The following EPC2 variants were observed in gnomAD, a reference collection of about 807,000 sequenced individuals.
EPC2 encodes enhancer of polycomb 2, also known as enhancer of polycomb homolog 2.
A neutral mutation model predicts 92.1 loss-of-function variants in EPC2; 14 were observed. The ratio of observed to expected loss-of-function variants is 0.15; its 90% CI spans 0.10 to 0.24. The LOEUF is 0.24. EPC2 is among the 10% of genes least tolerant of loss of function. The pLI, the probability that EPC2 is intolerant of heterozygous loss-of-function variation, is 1.00. For synonymous variants in EPC2, 340 were observed against 334.7 expected, an observed-to-expected ratio of 1.02 and a Z score of -0.17; for missense variants, 755 against 971.5, an observed-to-expected ratio of 0.78 and a Z score of 2.96.
intron 1 of EPC2, among the ~76,000 whole-genome samples, chr2:148,689,667 G>A (rs1681604486): frequency 1.3e-5 from 2 of 152,170 alleles, no homozygotes; most frequent in Admixed American, 1.3e-4. Context: ...AAGTAATGAA[G>A]TGATTAGAAA....
intron 2 of EPC2, among the ~76,000 whole-genome samples, chr2:148,713,283 AATG>A (rs1682192032): frequency 6.6e-6 from 1 of 152,184 alleles, no homozygotes; most frequent in Non-Finnish European, 1.5e-5. Context: ...AGACAGTGAT[AATG>A]ATGATCATGA....
chr2:148,667,179 T>C (rs780060451), intron 1 of EPC2, among the ~76,000 whole-genome samples: 1 of 152,238 alleles, frequency 6.6e-6, no homozygotes, highest in Non-Finnish European at 1.5e-5. Flanking sequence ...TTGATAGAAT[T>C]GAGAAGCCTG....
intron 2 of EPC2, among the ~76,000 whole-genome samples, chr2:148,714,473 T>C (rs572716027): frequency 6.6e-6 from 1 of 152,332 alleles, no homozygotes; most frequent in East Asian, 1.9e-4. Context: ...CTCTAGGTCT[T>C]TGAGGCATTG....
chr2:148,645,065 G>A lies in EPC2; in HGVS notation c.48G>A (p.Pro16=). The change falls in exon 1 of 14, where the codon CCG becomes CCA. Residue 16 remains proline, a synonymous_variant. Coordinates refer to ENST00000258484, the MANE Select transcript of EPC2 (RefSeq NM_015630.4). ...FRARALDAAK[P]LPIYRGKDMP... ...CGCGGGCGCTGGACGCCGCCAAGCC[G>A]CTGCCTATCTACCGCGGCAAGGACA... The A allele has an allele frequency of 4.4e-6, 7 of 1,578,114 alleles. No homozygotes were observed. The highest frequency in any genetic ancestry group is 6.0e-6 in the Non-Finnish European group (7 of 1,160,572).
In EPC2 at chr2:148,707,878, A is replaced by G. The variant is rs140932556; in HGVS notation, c.313+17505A>G. On this transcript the variant is annotated intron_variant, in intron 2 of 13. Transcript: ENST00000258484. ...GTGAGGGAAATTTGTAGCGCTAAAC[A>G]CCCACAAGAGAAAGCAGGAAAGATC... Among the ~76,000 whole-genome samples, 244 of 152,290 alleles carry G rather than the reference A, an allele frequency of 1.6e-3. 2 individuals are homozygous for G. The East Asian group carries it at 0.044, about 27-fold the overall frequency.
Position 148,786,437 on chromosome 2 carries a change from AT to A in EPC2, c.*61del. On this transcript the variant is annotated 3_prime_UTR_variant, in exon 14 of 14. Transcript: ENST00000258484. Reference sequence around the variant, plus strand: ...GTGCAGTCATTCATATTCCAGCTGAATGCAAAAGGCAACACTCTGTGGATCA... The same window carrying A: ...GTGCAGTCATTCATATTCCAGCTGAAGCAAAAGGCAACACTCTGTGGATCA... 1 of 1,360,912 alleles carries A rather than the reference AT, an allele frequency of 7.3e-7. No individual in the cohort carries two copies. The highest frequency in any genetic ancestry group is 1.0e-6 in the Non-Finnish European group (1 of 967,400). 84.3% of individuals were successfully genotyped at this position (1,360,912 alleles called of 1,614,324 possible).
intron 10 of EPC2, among the ~76,000 whole-genome samples, chr2:148,779,188 A>G (rs1683703662): frequency 6.6e-6 from 1 of 152,212 alleles, no homozygotes; most frequent in South Asian, 2.1e-4. Context: ...ATGTACACAA[A>G]TGATCATGGT....
intron 2 of EPC2, among the ~76,000 whole-genome samples, chr2:148,742,224 A>G (rs140741453): frequency 2.6e-5 from 4 of 152,306 alleles, no homozygotes; most frequent in African/African-American, 9.6e-5. Flanking sequence ...TATATGTAAG[A>G]TGAATCCTAG....
chr2:148,784,566 ATTCAAT>A, intron 12 of EPC2, 96 bp from the exon 13 acceptor site: 1 of 905,324 alleles, frequency 1.1e-6, no homozygotes, highest in Non-Finnish European at 1.7e-6. Context: ...TTAACTTGGC[ATTCAAT>A]TCAAATACAA....
intron 2 of EPC2, among the ~76,000 whole-genome samples, chr2:148,711,690 T>G (rs1682146214): frequency 6.6e-6 from 1 of 152,190 alleles, no homozygotes; most frequent in African/African-American, 2.4e-5. Flanking sequence ...TATTAAAATT[T>G]CCAGCTACAA....
intron 8 of EPC2, among the ~76,000 whole-genome samples, chr2:148,770,271 CT>C (rs748941585): frequency 1.3e-5 from 2 of 152,110 alleles, no homozygotes; most frequent in African/African-American, 2.4e-5. Context: ...AACTCCTGGT[CT>C]CTAGTGATCC....
intron 11 of EPC2, among the ~76,000 whole-genome samples, chr2:148,782,443 A>G (rs909445385): frequency 6.6e-6 from 1 of 152,152 alleles, no homozygotes; most frequent in African/African-American, 2.4e-5. Flanking sequence ...AGGCTGAGGC[A>G]TGAGAATCGC....
chr2:148,718,121 G>T (rs1482030110), intron 2 of EPC2, among the ~76,000 whole-genome samples: 1 of 152,048 alleles, frequency 6.6e-6, no homozygotes. Flanking sequence ...TCTTTATTTT[G>T]AGTCTTTGTG....
In EPC2 at chr2:148,644,789, A is replaced by T. The variant is rs1434917105; in HGVS notation, c.-229A>T. On this transcript the variant is annotated 5_prime_UTR_variant, in exon 1 of 14. Transcript: ENST00000258484. The stretch of plus-strand genomic sequence containing the variant: ...ATGTTGGCCATGGCGCAGGGAGCGG[A>T]TCGGGCGGGCGAGCGGCGGATCTAG... 1.4e-5 allele frequency among the ~76,000 whole-genome samples: 2 copies of T among 141,356 alleles called. No homozygotes were observed. The highest frequency in any genetic ancestry group is 3.8e-3 in the Middle Eastern group (1 of 264). 92.7% of individuals were successfully genotyped at this position (141,356 alleles called of 152,430 possible).
chr2:148,785,637 T>A (rs1361155972), intron 13 of EPC2, among the ~76,000 whole-genome samples: 1 of 152,180 alleles, frequency 6.6e-6, no homozygotes, highest in Non-Finnish European at 1.5e-5. Flanking sequence ...TGTTTTATAG[T>A]TTAGGCAGTC....
chr2:148,775,658 A>AAATTAAATTAAATTAAATTTAATTT lies in EPC2; in HGVS notation c.1720+4279_1720+4280insTAAATTAAATTTAATTTAATTAAAT, dbSNP rs1553451006. Among the ~76,000 whole-genome samples the AAATTAAATTAAATTAAATTTAATTT allele has an allele frequency of 1.5e-3, 211 of 138,582 alleles. 1 individual carries two copies. The highest frequency in any genetic ancestry group is 5.0e-3 in the African/African-American group (186 of 37,432). The allele number at this position is 138,582 out of a possible 152,430, so 90.9% of individuals were successfully genotyped here. ...TTTAATTAAATAAAATCTTTAAATA[A>AAATTAAATTAAATTAAATTTAATTT]AATTAAATAAAATTAAATTTAATTT... On this transcript the variant is annotated intron_variant, in intron 10 of 13. Coordinates refer to ENST00000258484, the MANE Select transcript of EPC2 (RefSeq NM_015630.4).
At chr2:148,757,904 A>G (rs1206644249) in intron 4 of EPC2, among the ~76,000 whole-genome samples, 1 of 152,118 alleles carries the variant, frequency 6.6e-6, no homozygotes, top group African/African-American at 2.4e-5. Context: ...TCTGTTTTTC[A>G]TTAAAGGGAA....
intron 1 of EPC2, among the ~76,000 whole-genome samples, chr2:148,648,744 CGAGTTACATTCTGACT>C (rs949272187): frequency 6.6e-6 from 1 of 152,052 alleles, no homozygotes; most frequent in African/African-American, 2.4e-5. Context: ...TATTCAAGTT[CGAGTTACATTCTGACT>C]GAGTTACATT....
chr2:148,754,605 C>T (rs774418734), intron 4 of EPC2, among the ~76,000 whole-genome samples: 10 of 152,138 alleles, frequency 6.6e-5, no homozygotes, highest in Non-Finnish European at 1.5e-4. Context: ...TATTGTAGTT[C>T]TTCCAAGTGA....
Sources: allele counts gnomAD v4.1 joint callset (sites outside exome capture counted in the v4.1 genomes callset), GRCh38; gene constraint gnomAD v4.1.1; transcripts MANE v1.5; gene names NCBI Gene and HGNC (gene_info 2026-07-23, HGNC 2026-07-21).